The following PVT1 variants were observed in gnomAD, a reference collection of about 807,000 sequenced individuals.
PVT1 encodes the protein CXCR4/PVT1 fusion.
intron 4 of PVT1, among the ~76,000 whole-genome samples, chr8:128,044,605 G>C (rs1813589357): frequency 6.6e-6 from 1 of 152,160 alleles, no homozygotes; most frequent in Non-Finnish European, 1.5e-5. Flanking sequence ...CTGCAACACA[G>C]TAAGGACTCA....
intron 4 of PVT1, among the ~76,000 whole-genome samples, chr8:128,000,735 G>A (rs916652850): frequency 3.3e-5 from 5 of 152,140 alleles, no homozygotes; most frequent in African/African-American, 9.7e-5. Flanking sequence ...TAGTGTGTAG[G>A]GCTTTTGTTG....
At chr8:127,959,623 A>C (rs1376494930) in intron 3 of PVT1, among the ~76,000 whole-genome samples, 1 of 148,956 alleles carries the variant, frequency 6.7e-6, no homozygotes, top group Non-Finnish European at 1.5e-5. Context: ...CCCAGTGCCT[A>C]CCCTTAAAGG....
chr8:127,947,042 C>A (rs1222796134), intron 3 of PVT1: 1 of 152,410 alleles, frequency 6.6e-6, no homozygotes, highest in Non-Finnish European at 1.5e-5. Context: ...CAAGTTAAAC[C>A]CGTGGTCACT....
chr8:128,053,611 A>G (rs545874341), intron 4 of PVT1, among the ~76,000 whole-genome samples: 147 of 152,302 alleles, frequency 9.7e-4, no homozygotes, highest in African/African-American at 3.2e-3. Context: ...AAACAAGCTC[A>G]ATCCCTTGCC....
intron 4 of PVT1, among the ~76,000 whole-genome samples, chr8:128,058,007 T>C (rs1446663067): frequency 6.6e-6 from 1 of 152,128 alleles, no homozygotes; most frequent in Non-Finnish European, 1.5e-5. Context: ...CAAATTAGGG[T>C]AAGAGGCTGG....
intron 3 of PVT1, among the ~76,000 whole-genome samples, chr8:127,910,510 G>A (rs1815881276): frequency 6.6e-6 from 1 of 152,096 alleles, no homozygotes; most frequent in Non-Finnish European, 1.5e-5. Context: ...TTTCTTTATG[G>A]CCTTTCCTTG....
intron 5 of PVT1, among the ~76,000 whole-genome samples, chr8:128,072,018 A>G (rs1814003420): frequency 6.6e-6 from 1 of 152,258 alleles, no homozygotes; most frequent in Non-Finnish European, 1.5e-5. Flanking sequence ...TAAAGTGCCT[A>G]GAATGGCACT....
chr8:128,015,337 A>G (rs1282909162), intron 4 of PVT1, among the ~76,000 whole-genome samples: 2 of 152,012 alleles, frequency 1.3e-5, no homozygotes, highest in Non-Finnish European at 2.9e-5. Context: ...TGATCTGCCC[A>G]TCTCGGCCTC....
At chr8:128,012,177 T>A (rs1376096126) in intron 4 of PVT1, among the ~76,000 whole-genome samples, 1 of 152,172 alleles carries the variant, frequency 6.6e-6, no homozygotes, top group African/African-American at 2.4e-5. Flanking sequence ...GGGGGATGCA[T>A]GAAGGAGCTA....
At chr8:127,997,253 C>G (rs1280940403) in intron 4 of PVT1, among the ~76,000 whole-genome samples, 1 of 151,772 alleles carries the variant, frequency 6.6e-6, no homozygotes, top group Non-Finnish European at 1.5e-5. Context: ...GTTGGTCAGG[C>G]TGGTCTCGAA....
At chr8:127,937,238 C>G (rs1236111980) in intron 3 of PVT1, among the ~76,000 whole-genome samples, 1 of 151,910 alleles carries the variant, frequency 6.6e-6, no homozygotes, top group Non-Finnish European at 1.5e-5. Context: ...GGCACATTAT[C>G]TAATTCATTG....
At chr8:128,094,828 A>C (rs1468735947) in intron 5 of PVT1, among the ~76,000 whole-genome samples, 1 of 152,224 alleles carries the variant, frequency 6.6e-6, no homozygotes, top group Non-Finnish European at 1.5e-5. Context: ...TCAAAACAGC[A>C]GAGCTGTGTT....
chr8:128,083,485 T>G (rs1814216435), intron 5 of PVT1, among the ~76,000 whole-genome samples: 2 of 152,094 alleles, frequency 1.3e-5, no homozygotes, highest in African/African-American at 4.8e-5. Context: ...GGTTTCTTTT[T>G]GACAAAAAAA....
intron 3 of PVT1, among the ~76,000 whole-genome samples, chr8:127,925,320 A>G (rs186979977): frequency 9.2e-5 from 14 of 152,374 alleles, no homozygotes; most frequent in Admixed American, 9.1e-4. Flanking sequence ...TGAAAAATCA[A>G]GATGAAAAAT....
chr8:127,995,301 T>C (rs2130005929), intron 4 of PVT1, among the ~76,000 whole-genome samples: 1 of 152,352 alleles, frequency 6.6e-6, no homozygotes, highest in South Asian at 2.1e-4. Flanking sequence ...CCCAATTGAC[T>C]GTTGTCATTC....
At chr8:127,998,700 T>A (rs920688671) in intron 4 of PVT1, among the ~76,000 whole-genome samples, 1 of 149,972 alleles carries the variant, frequency 6.7e-6, no homozygotes, top group African/African-American at 2.5e-5. Context: ...TTCTTTCTTC[T>A]TTCTTTCTTT....
chr8:128,041,157 TG>T (rs1290029174), intron 4 of PVT1, among the ~76,000 whole-genome samples: 1 of 151,160 alleles, frequency 6.6e-6, no homozygotes, highest in African/African-American at 2.4e-5. Context: ...TCTGCTTGTA[TG>T]TGTGTTTCTG....
At chr8:128,079,815 C>A (rs1342450704) in intron 5 of PVT1, among the ~76,000 whole-genome samples, 2 of 151,228 alleles carry the variant, frequency 1.3e-5, no homozygotes, top group African/African-American at 4.9e-5. Flanking sequence ...AGCTCCGCCT[C>A]CTGGGTTCAA....
chr8:127,916,205 A>G (rs941350993), intron 3 of PVT1, among the ~76,000 whole-genome samples: 2 of 152,180 alleles, frequency 1.3e-5, no homozygotes, highest in African/African-American at 4.8e-5. Context: ...GGGTTTTGTG[A>G]GGATTAAACA....
Sources: allele counts gnomAD v4.1 joint callset (sites outside exome capture counted in the v4.1 genomes callset), GRCh38; gene constraint gnomAD v4.1.1; transcripts MANE v1.5; gene names NCBI Gene and HGNC (gene_info 2026-07-23, HGNC 2026-07-21).